Variants in KCTD1 observed in about 807,000 individuals in gnomAD.
KCTD1 encodes BTB/POZ domain-containing protein KCTD1.
Under a neutral mutation model 66.0 loss-of-function variants are expected in KCTD1, and 24 were observed. The observed-to-expected ratio is 0.36, with a 90% CI of 0.26 to 0.51. The LOEUF (loss-of-function observed/expected upper bound fraction) is 0.51, where lower values mean the gene tolerates loss of function less well. Among genes scored for constraint, KCTD1 ranks in the 20% least tolerant of loss-of-function variants. KCTD1 has a pLI of 0.95. For synonymous variants in KCTD1, 511 were observed against 517.2 expected (o/e 0.99, Z 0.16); for missense variants, 943 against 1,205.2 (o/e 0.78, Z 3.22).
In KCTD1 at chr18:26,615,588, C is replaced by A. The variant is rs200968578; in HGVS notation, c.-16+13559G>T. 3.3e-5 allele frequency among the ~76,000 whole-genome samples: 5 copies of A among 152,160 alleles called. 1 individual carries two copies. In the East Asian group the frequency reaches 9.6e-4, roughly 29 times the overall value. ...ATCTGTTTTGGGTGGTCTCCTCCAG[C>A]CTCAGTATCCTGTCCCCTTACAGTA... On this transcript the variant is annotated intron_variant, in intron 1 of 4. Transcript: ENST00000317932.
chr18:26,574,268 T>A (rs1391755294), intron 1 of KCTD1, among the ~76,000 whole-genome samples: 1 of 152,234 alleles, frequency 6.6e-6, no homozygotes, highest in Non-Finnish European at 1.5e-5. Flanking sequence ...CGGCTCCTTT[T>A]ATAAAAGCTG....
chr18:26,607,242 C>A (rs1987037603), intron 1 of KCTD1, among the ~76,000 whole-genome samples: 1 of 152,130 alleles, frequency 6.6e-6, no homozygotes, highest in South Asian at 2.1e-4. Flanking sequence ...TGCTGTGTTG[C>A]CAAGGCTGGT....
chr18:26,537,309 A>G (rs1984755353), intron 1 of KCTD1, among the ~76,000 whole-genome samples: 2 of 152,238 alleles, frequency 1.3e-5, no homozygotes, highest in South Asian at 4.1e-4. Context: ...ATATCACAAA[A>G]TAGAAGCCAA....
intron 1 of KCTD1, among the ~76,000 whole-genome samples, chr18:26,576,395 C>A (rs1374803359): frequency 6.6e-6 from 1 of 152,082 alleles, no homozygotes. Flanking sequence ...TTCCATTCAT[C>A]CATTTAACAC....
intron 1 of KCTD1, among the ~76,000 whole-genome samples, chr18:26,593,926 A>C (rs533301038): frequency 1.3e-5 from 2 of 152,112 alleles, no homozygotes; most frequent in South Asian, 4.2e-4. Context: ...GAGGAAGATG[A>C]GGAGGAGAAA....
chr18:26,527,167 C>T (rs533264564), intron 1 of KCTD1, among the ~76,000 whole-genome samples: 21 of 152,198 alleles, frequency 1.4e-4, no homozygotes, highest in African/African-American at 4.8e-4. Flanking sequence ...CACGGACTGG[C>T]CCTCTGCAAG....
chr18:26,546,638 T>A (rs1016130620), intron 1 of KCTD1, 90 bp downstream of exon 1: 1 of 1,394,476 alleles, frequency 7.2e-7, no homozygotes, highest in South Asian at 1.5e-5. Context: ...TTTTTAAAAC[T>A]TCCCCCCTAC....
At chr18:26,656,559 G>A (rs552800258) in intron 1 of KCTD1, among the ~76,000 whole-genome samples, 25 of 150,264 alleles carry the variant, frequency 1.7e-4, no homozygotes, top group African/African-American at 6.3e-4. Flanking sequence ...AGAGCGCCGG[G>A]CACCGGCCGC....
chr18:26,456,058 G>T, intron 4 of KCTD1, 157 bp from the exon 5 acceptor site: 1 of 647,284 alleles, frequency 1.5e-6, no homozygotes, highest in Non-Finnish European at 2.6e-6. Flanking sequence ...CTGGATTAAT[G>T]GGCAGGAGAG....
At chr18:26,501,319 A>G (rs752441961) in intron 1 of KCTD1, 69 bp from the exon 2 acceptor site, 7 of 1,330,690 alleles carry the variant, frequency 5.3e-6, no homozygotes, top group Non-Finnish European at 7.3e-6. Context: ...TACATATAGC[A>G]TAAAGAATAA....
At chr18:26,640,663 T>C (rs757623528), upstream of KCTD1, among the ~76,000 whole-genome samples, 7 of 152,010 alleles carry the variant, frequency 4.6e-5, no homozygotes, top group African/African-American at 7.2e-5. Flanking sequence ...TGAGCACTTA[T>C]AGGAGGGAGA....
upstream of KCTD1, among the ~76,000 whole-genome samples, chr18:26,629,715 C>G (rs1031625707): frequency 8.6e-5 from 10 of 116,268 alleles, no homozygotes; most frequent in Non-Finnish European, 1.7e-5. Context: ...AAGAGATTGA[C>G]CCCCCCGCCT....
At chr18:26,650,107 ATCTTTGAGGCAACG>A (rs1225339246) in intron 1 of KCTD1, among the ~76,000 whole-genome samples, 1 of 152,202 alleles carries the variant, frequency 6.6e-6, no homozygotes, top group African/African-American at 2.4e-5. Context: ...AAACAGGACC[ATCTTTGAGGCAACG>A]TCCTACTTAG....
chr18:26,539,741 T>C (rs954559035), intron 1 of KCTD1, among the ~76,000 whole-genome samples: 7 of 152,220 alleles, frequency 4.6e-5, no homozygotes, highest in Admixed American at 6.5e-5. Context: ...ATAATTCATG[T>C]TTCTAAGTTA....
chr18:26,603,908 G>T (rs1986955767), intron 1 of KCTD1, among the ~76,000 whole-genome samples: 4 of 152,004 alleles, frequency 2.6e-5, no homozygotes, highest in Non-Finnish European at 5.9e-5. Context: ...TGACAAATGG[G>T]ATCTAATTAA....
chr18:26,574,725 T>C (rs1986185496), intron 1 of KCTD1, among the ~76,000 whole-genome samples: 1 of 152,160 alleles, frequency 6.6e-6, no homozygotes, highest in African/African-American at 2.4e-5. Context: ...GCGGTGAAGA[T>C]CAAAACTTTT....
chr18:26,463,725 C>T (rs1408229997), intron 3 of KCTD1, among the ~76,000 whole-genome samples: 3 of 151,958 alleles, frequency 2.0e-5, no homozygotes, highest in Admixed American at 6.5e-5. Context: ...TTAGTAGAGA[C>T]GGGGTTTCGC....
chr18:26,630,327 G>A (rs575726196), upstream of KCTD1, among the ~76,000 whole-genome samples: 85 of 151,626 alleles, frequency 5.6e-4, no homozygotes, highest in Middle Eastern at 3.4e-3. Flanking sequence ...GTCTTTTTTT[G>A]TTTTTTTAGA....
chr18:26,574,915 T>C (rs951183516), intron 1 of KCTD1, among the ~76,000 whole-genome samples: 1 of 152,132 alleles, frequency 6.6e-6, no homozygotes, highest in Non-Finnish European at 1.5e-5. Flanking sequence ...TATAGTGATA[T>C]CTTTGCTGTG....
Sources: gnomAD v4.1 joint callset for allele counts (sites outside exome capture counted in the v4.1 genomes callset) on GRCh38, gnomAD v4.1.1 for gene constraint, MANE v1.5 for transcripts, NCBI Gene and HGNC (gene_info 2026-07-23, HGNC 2026-07-21) for gene names.